NFIC: variants seen among roughly 807,000 people sequenced by gnomAD.
NFIC encodes nuclear factor 1 C-type.
NFIC carries 12 observed loss-of-function variants against 54.4 expected under a neutral mutation model. That is an observed-to-expected ratio of 0.22 (90% CI 0.14 to 0.36). NFIC has a LOEUF of 0.36. NFIC is among the 10% of genes least tolerant of loss of function. The pLI is 1.00. For synonymous variants in NFIC, 322 were observed against 319.2 expected, an observed-to-expected ratio of 1.01 and a Z score of -0.09; for missense variants, 575 against 718.2, an observed-to-expected ratio of 0.80 and a Z score of 2.28.
At chr19:3,443,422 CA>C (rs1187383710) in intron 6 of NFIC, among the ~76,000 whole-genome samples, 377 of 133,438 alleles carry the variant, frequency 2.8e-3, no homozygotes, top group Non-Finnish European at 3.1e-3. Flanking sequence ...GACCCTATCT[CA>C]AAAAAAAAAA....
chr19:3,363,269 A>ATTTTT (rs1178364391), upstream of NFIC, among the ~76,000 whole-genome samples: 6 of 36,696 alleles, frequency 1.6e-4, no homozygotes, highest in Admixed American at 3.7e-4. Context: ...ATATATATAT[A>ATTTTT]TTTTTTTTTT....
At chr19:3,404,146 C>T (rs1417697470) in intron 2 of NFIC, among the ~76,000 whole-genome samples, 1 of 151,934 alleles carries the variant, frequency 6.6e-6, no homozygotes, top group African/African-American at 2.4e-5. Flanking sequence ...CTCCCCCCCC[C>T]GTCACAGCCG....
chr19:3,435,022 G>A (rs1353357464), intron 5 of NFIC, 61 bp from the exon 6 acceptor site: 4 of 1,491,298 alleles, frequency 2.7e-6, no homozygotes, highest in East Asian at 2.6e-5. Flanking sequence ...AAAGCCCGCC[G>A]TCGCGCCCCC....
chr19:3,438,901 G>A (rs2082248336), intron 6 of NFIC, among the ~76,000 whole-genome samples: 1 of 152,074 alleles, frequency 6.6e-6, no homozygotes, highest in African/African-American at 2.4e-5. Flanking sequence ...CAGCCCAGAG[G>A]AGGAGGCACA....
intron 5 of NFIC, among the ~76,000 whole-genome samples, chr19:3,434,626 G>A (rs1004071988): frequency 6.6e-6 from 1 of 152,054 alleles, no homozygotes; most frequent in African/African-American, 2.4e-5. Flanking sequence ...AAGTCCTGCC[G>A]GCTCAGCCAG....
chr19:3,433,563 G>A lies in NFIC; in HGVS notation c.680G>A (p.Ser227Asn), dbSNP rs1038256752. ...AGCTTTGTCACCTCCGGCGTGTTCA[G>A]CGTCACTGAGCTCATCCAAGTGTCC... Reference protein sequence around the residue: ...QESFVTSGVFSVTELIQVSRT... With the variant: ...QESFVTSGVFNVTELIQVSRT... Residue 227 changes from serine (S) to asparagine (N), a missense_variant, in exon 4 of 11, where the codon AGC becomes AAC. Ser to Asn is a conservative substitution (Grantham distance 46). Coordinates refer to ENST00000443272, the MANE Select transcript of NFIC (RefSeq NM_001245002.2). 1.2e-6 allele frequency: 2 copies of A among 1,614,030 alleles called. No individual in the cohort carries two copies. Among genetic ancestry groups the A allele is most frequent in the Non-Finnish European group, 1.7e-6 (2 of 1,179,914 alleles).
At position 3,459,891 on chromosome 19, in the gene NFIC, C is replaced by T. The variant is rs373950295; in HGVS notation, c.1510-2861C>T. Among the ~76,000 whole-genome samples, 15 of 152,100 alleles carry T rather than the reference C, an allele frequency of 9.9e-5. No homozygotes were observed. The highest frequency in any genetic ancestry group is 3.4e-4 in the African/African-American group (14 of 41,434). On this transcript the variant is annotated intron_variant, in intron 10 of 10. Coordinates refer to ENST00000443272, the MANE Select transcript of NFIC (RefSeq NM_001245002.2). This position sits in a 1 kb window ranked among gnomAD's most constrained non-coding sequence, Gnocchi z 4.2. ...GGCTCTGTTGAATGATTTGCTGCAG[C>T]GGTGGGGGGCGGCCCCACCTCTAAC... is the stretch of plus-strand genomic sequence containing the variant.
intron 2 of NFIC, among the ~76,000 whole-genome samples, chr19:3,409,521 C>G (rs968502663): frequency 6.6e-6 from 1 of 152,198 alleles, no homozygotes; most frequent in African/African-American, 2.4e-5. Flanking sequence ...CAAGGCCTGG[C>G]GAGTAGTAGG....
intron 2 of NFIC, among the ~76,000 whole-genome samples, chr19:3,388,660 C>A (rs10424230): frequency 2.6e-5 from 4 of 151,912 alleles, no homozygotes; most frequent in Non-Finnish European, 4.4e-5. Context: ...ATGCCCCCCC[C>A]CAACAAAATT....
chr19:3,414,056 T>C (rs1254804030), intron 2 of NFIC, among the ~76,000 whole-genome samples: 1 of 152,096 alleles, frequency 6.6e-6, no homozygotes, highest in Non-Finnish European at 1.5e-5. Flanking sequence ...GGCATCCGGG[T>C]GGCTCTCTGC....
intron 1 of NFIC, among the ~76,000 whole-genome samples, chr19:3,377,333 C>CA (rs71164684): frequency 0.06 from 3,438 of 57,492 alleles, 691 homozygotes; most frequent in African/African-American, 0.22. Context: ...GACTCTGTCT[C>CA]AAAAAAAAAA....
At chr19:3,461,621 G>T (rs2082640031) in intron 10 of NFIC, among the ~76,000 whole-genome samples, 2 of 151,900 alleles carry the variant, frequency 1.3e-5, no homozygotes, top group Non-Finnish European at 1.5e-5. Flanking sequence ...TACTTGGGAG[G>T]CTAAGGCACA....
In NFIC at chr19:3,393,816, C is replaced by CAA. The variant is rs35101011; in HGVS notation, c.562+11593_562+11594dup. ...TGGGCAACAGAGTGAGACTCTGTCT[C>CAA]AAAAAAAAAAAAAAAAAAAAAGAGT... On this transcript the variant is annotated intron_variant, in intron 2 of 10. Coordinates refer to ENST00000443272, the MANE Select transcript of NFIC (RefSeq NM_001245002.2). Among the ~76,000 whole-genome samples, 425 of 55,156 alleles carry CAA rather than the reference C, an allele frequency of 7.7e-3. 14 individuals are homozygous for CAA. The highest frequency in any genetic ancestry group is 0.019 in the African/African-American group (278 of 14,544). The allele number at this position is 55,156 out of a possible 152,430, so 36.2% of individuals were successfully genotyped here.
rs1491173652 is a variant in NFIC, at chr19:3,371,928, CTT to C, written c.30+5263_30+5264del. 2.6e-3 allele frequency among the ~76,000 whole-genome samples: 338 copies of C among 132,358 alleles called. 4 individuals are homozygous for C. The highest frequency in any genetic ancestry group is 0.016 in the East Asian group (71 of 4,508). The allele number at this position is 132,358 out of a possible 152,430, so 86.8% of individuals were successfully genotyped here. A position where few individuals can be genotyped will look rare whatever the true frequency, so the allele number is the denominator to read the frequency against. On this transcript the variant is annotated intron_variant, in intron 1 of 10. Transcript: ENST00000443272. ...CCTTCCTTCCTTCCTTCCTTCCTTC[CTT>C]CCTTCCTTCCCTCCCTCCCTCCCTC...
chr19:3,365,691 G>C (rs563578217), upstream of NFIC, among the ~76,000 whole-genome samples: 1 of 152,332 alleles, frequency 6.6e-6, no homozygotes, highest in South Asian at 2.1e-4. Context: ...TACCCAGGGG[G>C]AGGCTGCAAG....
chr19:3,407,254 CA>C (rs1260590115), intron 2 of NFIC, among the ~76,000 whole-genome samples: 1 of 151,734 alleles, frequency 6.6e-6, no homozygotes, highest in Non-Finnish European at 1.5e-5. Context: ...GCTGGGACTA[CA>C]GGCGCCCGCC....
chr19:3,432,973 C>T (rs35212250), intron 3 of NFIC, among the ~76,000 whole-genome samples: 6,071 of 149,436 alleles, frequency 0.041, 161 homozygotes, highest in Non-Finnish European at 0.065. Context: ...CCCGGCTCCA[C>T]TCGTTTTTTA....
upstream of NFIC, among the ~76,000 whole-genome samples, chr19:3,362,423 G>A (rs1599540273): frequency 6.6e-6 from 1 of 152,028 alleles, no homozygotes; most frequent in Non-Finnish European, 1.5e-5. Flanking sequence ...GTGTGTGTGT[G>A]TGTGTCTCTG....
intron 2 of NFIC, among the ~76,000 whole-genome samples, chr19:3,419,106 G>A (rs2081913176): frequency 1.3e-5 from 2 of 152,096 alleles, no homozygotes; most frequent in South Asian, 4.1e-4. Context: ...TGTTTCATGG[G>A]GACAGAGTTT....
Sources: gnomAD v4.1 joint callset for allele counts (sites outside exome capture counted in the v4.1 genomes callset) on GRCh38, gnomAD v4.1.1 for gene constraint, Gnocchi (gnomAD v3.1) non-coding constraint, MANE v1.5 for transcripts, NCBI Gene and HGNC (gene_info 2026-07-23, HGNC 2026-07-21) for gene names.